The following CNTNAP5 variants were observed in gnomAD, a reference collection of about 807,000 sequenced individuals.
CNTNAP5 encodes the protein contactin-associated protein-like 5.
In CNTNAP5, 72 loss-of-function variants were observed where a neutral mutation model predicts 150.2. That is an observed-to-expected ratio of 0.48 (90% confidence interval 0.40 to 0.58). CNTNAP5 has a LOEUF of 0.58. CNTNAP5 is among the 20% of genes least tolerant of loss of function. CNTNAP5 has a pLI of 0.00. For synonymous variants in CNTNAP5, 672 were observed against 619.8 expected, an observed-to-expected ratio of 1.08 and a Z score of -1.25; for missense variants, 1,636 against 1,626.2, an observed-to-expected ratio of 1.01 and a Z score of -0.10.
intron 13 of CNTNAP5, among the ~76,000 whole-genome samples, chr2:124,732,807 A>C (rs1680299038): frequency 6.6e-6 from 1 of 152,190 alleles, no homozygotes; most frequent in South Asian, 2.1e-4. Context: ...GAAGCTATAG[A>C]AAATACCGAG....
chr2:124,288,577 T>A (rs1030591870), intron 3 of CNTNAP5, among the ~76,000 whole-genome samples: 7 of 152,228 alleles, frequency 4.6e-5, no homozygotes, highest in African/African-American at 1.4e-4. Context: ...ACTTTTATTT[T>A]GAGTTAACTT....
chr2:124,676,939 C>A (rs1678953801), intron 13 of CNTNAP5, among the ~76,000 whole-genome samples: 1 of 151,218 alleles, frequency 6.6e-6, no homozygotes, highest in African/African-American at 2.4e-5. Context: ...CCTCCACCAT[C>A]TGGAAGTGCT....
At chr2:124,091,017 T>G (rs890781429) in intron 1 of CNTNAP5, among the ~76,000 whole-genome samples, 4 of 152,126 alleles carry the variant, frequency 2.6e-5, no homozygotes, top group Non-Finnish European at 5.9e-5. Context: ...GAAATCCACC[T>G]GGGGGAAGTG....
intron 19 of CNTNAP5, among the ~76,000 whole-genome samples, chr2:124,805,186 A>G (rs896615557): frequency 2.0e-5 from 3 of 152,164 alleles, no homozygotes; most frequent in Admixed American, 6.5e-5. Flanking sequence ...GGCTGTCTCT[A>G]GTCACAGGAA....
At chr2:124,798,383 C>T in intron 19 of CNTNAP5, 63 bp downstream of exon 19, 6 of 1,159,384 alleles carry the variant, frequency 5.2e-6, no homozygotes, top group South Asian at 2.5e-5. Flanking sequence ...GGTGCATGCC[C>T]TCCAGAACTC....
At chr2:124,473,033 A>G (rs562968410) in intron 6 of CNTNAP5, among the ~76,000 whole-genome samples, 1 of 152,196 alleles carries the variant, frequency 6.6e-6, no homozygotes, top group East Asian at 1.9e-4. Flanking sequence ...ATATACAAGT[A>G]TCTGGTTAAA....
At chr2:124,674,749 A>G (rs1043684117) in intron 13 of CNTNAP5, among the ~76,000 whole-genome samples, 1 of 151,682 alleles carries the variant, frequency 6.6e-6, no homozygotes, top group African/African-American at 2.4e-5. Context: ...CCAATTGGTT[A>G]TTTGGAAGTG....
intron 22 of CNTNAP5, among the ~76,000 whole-genome samples, chr2:124,907,681 A>G (rs1429853160): frequency 6.6e-6 from 1 of 151,164 alleles, no homozygotes; most frequent in African/African-American, 2.4e-5. Flanking sequence ...GATTAAAACT[A>G]AAAGATAGCT....
At chr2:124,176,880 T>TGA (rs1471253975) in intron 1 of CNTNAP5, among the ~76,000 whole-genome samples, 47 of 139,544 alleles carry the variant, frequency 3.4e-4, no homozygotes, top group African/African-American at 1.2e-3. Context: ...GTTTCTCTCT[T>TGA]GTTGCCCAGG....
At chr2:124,365,228 T>C (rs1488357933) in intron 3 of CNTNAP5, among the ~76,000 whole-genome samples, 1 of 150,130 alleles carries the variant, frequency 6.7e-6, no homozygotes, top group East Asian at 2.0e-4. Context: ...AGATGGGAGG[T>C]CCGCTTGAGC....
chr2:124,602,177 A>C (rs1697000684), intron 11 of CNTNAP5, among the ~76,000 whole-genome samples: 1 of 151,850 alleles, frequency 6.6e-6, no homozygotes, highest in South Asian at 2.1e-4. Flanking sequence ...CCTCATCTCT[A>C]TGAAAAATAC....
At chr2:124,786,621 GAGAA>G (rs1681603906) in intron 17 of CNTNAP5, among the ~76,000 whole-genome samples, 1 of 152,110 alleles carries the variant, frequency 6.6e-6, no homozygotes, top group Non-Finnish European at 1.5e-5. Context: ...AAGCAGGAAA[GAGAA>G]AGAAGAGAGA....
chr2:124,307,628 A>G (rs1688724457), intron 3 of CNTNAP5, among the ~76,000 whole-genome samples: 1 of 152,108 alleles, frequency 6.6e-6, no homozygotes, highest in Non-Finnish European at 1.5e-5. Flanking sequence ...ATATAATGTG[A>G]CCCCAGATTC....
intron 21 of CNTNAP5, among the ~76,000 whole-genome samples, chr2:124,902,513 C>A (rs1678434401): frequency 6.6e-6 from 1 of 151,972 alleles, no homozygotes; most frequent in African/African-American, 2.4e-5. Context: ...TCACCAGTAT[C>A]CAAAGATAAA....
intron 22 of CNTNAP5, among the ~76,000 whole-genome samples, chr2:124,907,833 A>G (rs1056883980): frequency 1.3e-5 from 2 of 150,388 alleles, no homozygotes; most frequent in African/African-American, 4.9e-5. Flanking sequence ...TTTTGTAGTC[A>G]TGTTACTGAA....
chr2:124,283,589 C>A (rs1688070895), intron 3 of CNTNAP5, among the ~76,000 whole-genome samples: 1 of 152,108 alleles, frequency 6.6e-6, no homozygotes, highest in Admixed American at 6.5e-5. Flanking sequence ...TCTGTCTTGG[C>A]AATATTAAAT....
At chr2:124,283,143 C>G (rs573800080) in intron 3 of CNTNAP5, among the ~76,000 whole-genome samples, 8 of 152,214 alleles carry the variant, frequency 5.3e-5, no homozygotes, top group Non-Finnish European at 1.2e-4. Flanking sequence ...TTTGTGGAGT[C>G]AGTAGTCCTG....
At chr2:124,678,428 T>C (rs980838439) in intron 13 of CNTNAP5, among the ~76,000 whole-genome samples, 2 of 151,842 alleles carry the variant, frequency 1.3e-5, no homozygotes, top group East Asian at 3.9e-4. Context: ...TAACTACATG[T>C]TTCAGGTGGT....
chr2:124,912,862 A>G (rs1678684606), intron 23 of CNTNAP5, among the ~76,000 whole-genome samples: 2 of 152,060 alleles, frequency 1.3e-5, no homozygotes, highest in South Asian at 4.2e-4. Context: ...CCAGTTTCCT[A>G]TTTCATCTCT....
Sources: gnomAD v4.1 joint callset for allele counts (sites outside exome capture counted in the v4.1 genomes callset) on GRCh38, gnomAD v4.1.1 for gene constraint, MANE v1.5 for transcripts, NCBI Gene and HGNC (gene_info 2026-07-23, HGNC 2026-07-21) for gene names.